The following COMMD10 variants were observed in gnomAD, a reference collection of about 807,000 sequenced individuals.
COMMD10 encodes the protein COMM domain containing 10, also known as COMM domain-containing protein 10.
COMMD10 carries 33 observed loss-of-function variants against 28.9 expected under a neutral mutation model. The ratio of observed to expected loss-of-function variants is 1.14; its 90% CI spans 0.87 to 1.53. The LOEUF (loss-of-function observed/expected upper bound fraction) is 1.53, where lower values mean the gene tolerates loss of function less well. COMMD10 is among the 40% of genes most tolerant of loss of function. COMMD10 has a pLI of 0.00. For synonymous variants in COMMD10, 110 were observed against 81.7 expected (o/e 1.35, Z -1.87); for missense variants, 310 against 233.4 (o/e 1.33, Z -2.14).
intron 5 of COMMD10, among the ~76,000 whole-genome samples, chr5:116,241,376 C>T (rs545104006): frequency 6.6e-6 from 1 of 152,112 alleles, no homozygotes; most frequent in East Asian, 1.9e-4. Flanking sequence ...AATGGCAAGC[C>T]CCAAATACCT....
chr5:116,127,902 G>T (rs1751716475), intron 4 of COMMD10, among the ~76,000 whole-genome samples: 1 of 152,006 alleles, frequency 6.6e-6, no homozygotes, highest in Admixed American at 6.6e-5. Flanking sequence ...TTGTGCACAT[G>T]TACCCTAGAA....
At chr5:116,171,487 C>A (rs1753331268) in intron 5 of COMMD10, among the ~76,000 whole-genome samples, 1 of 152,108 alleles carries the variant, frequency 6.6e-6, no homozygotes, top group Non-Finnish European at 1.5e-5. Flanking sequence ...GGTATATACC[C>A]AGATGATTAT....
intron 5 of COMMD10, among the ~76,000 whole-genome samples, chr5:116,272,342 A>C (rs1379735839): frequency 6.6e-6 from 1 of 151,872 alleles, no homozygotes; most frequent in Non-Finnish European, 1.5e-5. Flanking sequence ...AAACTCTTGT[A>C]AAATTGCTCT....
At chr5:116,249,764 G>T (rs554443265) in intron 5 of COMMD10, among the ~76,000 whole-genome samples, 1 of 151,920 alleles carries the variant, frequency 6.6e-6, no homozygotes, top group Admixed American at 6.6e-5. Flanking sequence ...CAGATTTTAA[G>T]TTGCCTTTAT....
intron 5 of COMMD10, among the ~76,000 whole-genome samples, chr5:116,260,531 C>A (rs1750415553): frequency 6.6e-6 from 1 of 151,672 alleles, no homozygotes; most frequent in South Asian, 2.1e-4. Flanking sequence ...CTAACTTAAC[C>A]AATATTAAAG....
chr5:116,214,909 ATTTTCTATACTTTCATTCCCAC>A (rs1434895591), intron 5 of COMMD10, among the ~76,000 whole-genome samples: 2 of 152,086 alleles, frequency 1.3e-5, no homozygotes, highest in Non-Finnish European at 2.9e-5. Context: ...AGTGAAGCAG[ATTTTCTATACTTTCATTCCCAC>A]TTATTAGTCA....
chr5:116,214,455 A>G (rs1396154720), intron 5 of COMMD10, among the ~76,000 whole-genome samples: 2 of 152,166 alleles, frequency 1.3e-5, no homozygotes, highest in African/African-American at 4.8e-5. Flanking sequence ...ATAAACAGTC[A>G]TTCATTGGAT....
intron 1 of COMMD10, chr5:116,085,347 G>C (rs1029447541): frequency 8.1e-6 from 4 of 491,160 alleles, no homozygotes; most frequent in African/African-American, 4.1e-5. Flanking sequence ...ACGGAAGCGT[G>C]TGGTCTGCAA....
Position 116,148,173 on chromosome 5 carries a change from C to A in COMMD10, c.510+13995C>A, listed in dbSNP as rs189687032. ...TTTAGAAATTCTATTCATGTAAATT[C>A]TGTTGGAATTCTAGTAATTGCTAAA... On this transcript the variant is annotated intron_variant, in intron 5 of 6. Transcript: ENST00000274458. Among the ~76,000 whole-genome samples, 253 of 151,856 alleles carry A rather than the reference C, an allele frequency of 1.7e-3. 1 individual carries two copies. The highest frequency in any genetic ancestry group is 5.5e-3 in the Admixed American group (84 of 15,194).
chr5:116,224,813 T>A (rs979345412), intron 5 of COMMD10, among the ~76,000 whole-genome samples: 7 of 152,186 alleles, frequency 4.6e-5, no homozygotes, highest in African/African-American at 1.7e-4. Flanking sequence ...AATACTAAAT[T>A]TTGTTGGCAT....
At position 116,127,749 on chromosome 5, in the gene COMMD10, G is replaced by A. The variant is rs188322673; in HGVS notation, c.400-6319G>A. ...AATGAGAACACTTGGACACAGGGTGGAGAACATCACACACTGGGGCCTGTC... is the reference window on the plus strand; with the variant it reads ...AATGAGAACACTTGGACACAGGGTGAAGAACATCACACACTGGGGCCTGTC... On this transcript the variant is annotated intron_variant, in intron 4 of 6. Coordinates refer to ENST00000274458, the MANE Select transcript of COMMD10 (RefSeq NM_016144.4). Among the ~76,000 whole-genome samples the A allele has an allele frequency of 3.6e-3, 551 of 152,242 alleles. 1 individual carries two copies. Among genetic ancestry groups the A allele is most frequent in the Non-Finnish European group, 6.8e-3 (462 of 68,026 alleles).
chr5:116,176,551 C>G (rs1753519529), intron 5 of COMMD10, among the ~76,000 whole-genome samples: 3 of 152,054 alleles, frequency 2.0e-5, no homozygotes, highest in Admixed American at 6.6e-5. Context: ...TCCCTAAGTT[C>G]ATGTTATTAA....
intron 5 of COMMD10, among the ~76,000 whole-genome samples, chr5:116,262,145 T>C (rs1411741195): frequency 6.6e-6 from 1 of 151,680 alleles, no homozygotes; most frequent in African/African-American, 2.4e-5. Context: ...ACTTTTCCTC[T>C]TTAGATGCTA....
In COMMD10 at chr5:116,093,784, G is replaced by A. The variant is rs149345466; in HGVS notation, c.399+1084G>A. On this transcript the variant is annotated intron_variant, in intron 4 of 6. Coordinates refer to ENST00000274458, the MANE Select transcript of COMMD10 (RefSeq NM_016144.4). ...TCCCTGATTTCAACTTGTATTACAA[G>A]GCTATAGTAACCAAAACAGCATGGT... 5.9e-5 allele frequency among the ~76,000 whole-genome samples: 9 copies of A among 152,280 alleles called. No homozygotes were observed. In the East Asian group the frequency reaches 1.7e-3, roughly 29 times the overall value.
At chr5:116,280,754 A>G (rs563027998) in intron 5 of COMMD10, among the ~76,000 whole-genome samples, 1 of 151,980 alleles carries the variant, frequency 6.6e-6, no homozygotes, top group South Asian at 2.1e-4. Context: ...CTTAGTAAAG[A>G]TTGTCAACAA....
chr5:116,166,783 A>G (rs2112574673), intron 5 of COMMD10, among the ~76,000 whole-genome samples: 2 of 152,304 alleles, frequency 1.3e-5, no homozygotes, highest in South Asian at 4.1e-4. Context: ...TAACAAACAG[A>G]GAAAGGAATA....
At chr5:116,216,962 T>A (rs755485869) in intron 5 of COMMD10, among the ~76,000 whole-genome samples, 10 of 152,142 alleles carry the variant, frequency 6.6e-5, no homozygotes, top group Non-Finnish European at 1.2e-4. Context: ...GATGAAAGGA[T>A]TTATCAGGAT....
intron 5 of COMMD10, among the ~76,000 whole-genome samples, chr5:116,200,585 A>G (rs1037900767): frequency 3.3e-5 from 5 of 151,012 alleles, no homozygotes; most frequent in Admixed American, 1.3e-4. Flanking sequence ...GTTGTGCCAC[A>G]TTTCCTCCTG....
chr5:116,230,473 C>T (rs1306583250), intron 5 of COMMD10, among the ~76,000 whole-genome samples: 1 of 152,012 alleles, frequency 6.6e-6, no homozygotes, highest in East Asian at 1.9e-4. Flanking sequence ...CACATAGATG[C>T]TGGTACCTCA....
Sources: allele counts gnomAD v4.1 joint callset (sites outside exome capture counted in the v4.1 genomes callset), GRCh38; gene constraint gnomAD v4.1.1; transcripts MANE v1.5; gene names NCBI Gene and HGNC (gene_info 2026-07-23, HGNC 2026-07-21).